TNFSF4: variants seen among roughly 807,000 people sequenced by gnomAD.
The protein encoded by TNFSF4 is tumor necrosis factor ligand superfamily member 4.
TNFSF4 carries 4 observed loss-of-function variants against 7.3 expected under a neutral mutation model. The observed-to-expected ratio is 0.55, with a 90% CI of 0.27 to 1.25. The LOEUF (loss-of-function observed/expected upper bound fraction) is 1.25. Ranked by LOEUF, TNFSF4 falls within the 50% of genes most tolerant of loss-of-function variation. The probability of loss-of-function intolerance (pLI) is 0.12; values close to 1 mark genes in which losing one functional copy is unlikely to be tolerated. For missense variants in TNFSF4, 181 were observed against 208.8 expected (o/e 0.87, Z 0.82); for synonymous variants, 76 against 83.7 (o/e 0.91, Z 0.50).
chr1:173,324,351 C>T, the TNFSF4 span, among the ~76,000 whole-genome samples: 1 of 152,172 alleles, frequency 6.6e-6, no homozygotes, highest in African/African-American at 2.4e-5. Flanking sequence ...CCTAAGAGAG[C>T]TCCTGAAGGA....
At chr1:173,333,837 G>T in the TNFSF4 span, among the ~76,000 whole-genome samples, 1 of 152,098 alleles carries the variant, frequency 6.6e-6, no homozygotes, top group African/African-American at 2.4e-5. Flanking sequence ...CTTTTCCTGT[G>T]TCTTAAGTCT....
chr1:173,234,650 T>C, the TNFSF4 span, among the ~76,000 whole-genome samples: 1 of 152,204 alleles, frequency 6.6e-6, no homozygotes, highest in African/African-American at 2.4e-5. Context: ...TTGTAGGACA[T>C]GGATGAAGCT....
intron 1 of TNFSF4, among the ~76,000 whole-genome samples, chr1:173,188,850 C>G (rs1571185267): frequency 2.6e-5 from 4 of 152,186 alleles, no homozygotes; most frequent in Admixed American, 2.6e-4. Context: ...GTAGCTGGGA[C>G]TATAGGCACG....
At chr1:173,437,444 T>C in the TNFSF4 span, among the ~76,000 whole-genome samples, 2 of 152,230 alleles carry the variant, frequency 1.3e-5, no homozygotes, top group African/African-American at 4.8e-5. Context: ...TAACCAGTTC[T>C]ATCAGTCTTT....
At chr1:173,371,703 G>A in the TNFSF4 span, among the ~76,000 whole-genome samples, 1 of 152,192 alleles carries the variant, frequency 6.6e-6, no homozygotes, top group African/African-American at 2.4e-5. Context: ...ACTAATCAAT[G>A]AGGCAGTAAT....
At chr1:173,177,778 A>G in the TNFSF4 span, among the ~76,000 whole-genome samples, 1 of 152,196 alleles carries the variant, frequency 6.6e-6, no homozygotes, top group Non-Finnish European at 1.5e-5. Flanking sequence ...GGAACTTAAA[A>G]AAACAACTTG....
chr1:173,364,404 C>T, the TNFSF4 span, among the ~76,000 whole-genome samples: 299 of 132,154 alleles, frequency 2.3e-3, 2 homozygotes, highest in African/African-American at 7.7e-3. Context: ...TATATATATA[C>T]ACACACACAT....
the TNFSF4 span, among the ~76,000 whole-genome samples, chr1:173,360,204 A>G: frequency 6.6e-6 from 1 of 152,226 alleles, no homozygotes; most frequent in African/African-American, 2.4e-5. Flanking sequence ...AAAAGTGTCT[A>G]TTGACAGGTG....
chr1:173,308,809 T>C, the TNFSF4 span, among the ~76,000 whole-genome samples: 1 of 151,942 alleles, frequency 6.6e-6, no homozygotes, highest in Non-Finnish European at 1.5e-5. Context: ...CCTAGCATCT[T>C]GGAGCCTAGC....
At chr1:173,387,182 G>T in the TNFSF4 span, among the ~76,000 whole-genome samples, 1 of 152,200 alleles carries the variant, frequency 6.6e-6, no homozygotes, top group Admixed American at 6.5e-5. Context: ...TGGAGAACCA[G>T]CAATGAAATG....
At chr1:173,332,616 G>A in the TNFSF4 span, among the ~76,000 whole-genome samples, 1 of 152,134 alleles carries the variant, frequency 6.6e-6, no homozygotes, top group Non-Finnish European at 1.5e-5. Flanking sequence ...AGCACTTTGG[G>A]AGGCCAAGGC....
chr1:173,252,883 G>A, the TNFSF4 span, among the ~76,000 whole-genome samples: 1 of 152,214 alleles, frequency 6.6e-6, no homozygotes. Flanking sequence ...AGAGTTTGCA[G>A]ATGAAATGAT....
chr1:173,357,206 AG>A, the TNFSF4 span, among the ~76,000 whole-genome samples: 1 of 152,216 alleles, frequency 6.6e-6, no homozygotes, highest in Non-Finnish European at 1.5e-5. Flanking sequence ...TAATAGCTTA[AG>A]ATGTAGGCCT....
At chr1:173,418,947 G>A in the TNFSF4 span, among the ~76,000 whole-genome samples, 1 of 152,202 alleles carries the variant, frequency 6.6e-6, no homozygotes, top group Non-Finnish European at 1.5e-5. Flanking sequence ...TTCACATATC[G>A]ATGACATTTG....
the TNFSF4 span, among the ~76,000 whole-genome samples, chr1:173,317,676 A>C: frequency 6.6e-6 from 1 of 152,240 alleles, no homozygotes; most frequent in Non-Finnish European, 1.5e-5. Flanking sequence ...CCCTGCAATG[A>C]ATGGAAAGAA....
chr1:173,270,305 A>T, the TNFSF4 span, among the ~76,000 whole-genome samples: 6 of 152,256 alleles, frequency 3.9e-5, no homozygotes, highest in South Asian at 1.2e-3. Context: ...CTGGGACTGT[A>T]AGTTTGGGAA....
chr1:173,355,189 C>T, the TNFSF4 span, among the ~76,000 whole-genome samples: 7 of 152,158 alleles, frequency 4.6e-5, no homozygotes, highest in Admixed American at 2.0e-4. Context: ...CTCCTGCCTT[C>T]CTCTTTCCCT....
the TNFSF4 span, among the ~76,000 whole-genome samples, chr1:173,348,969 G>A: frequency 7.9e-5 from 12 of 152,248 alleles, no homozygotes; most frequent in African/African-American, 2.9e-4. Flanking sequence ...ACAACGGTGA[G>A]CAGTGAAAAA....
chr1:173,317,170 T>C, the TNFSF4 span, among the ~76,000 whole-genome samples: 4 of 152,230 alleles, frequency 2.6e-5, no homozygotes, highest in Admixed American at 2.0e-4. Flanking sequence ...GTATATGTTC[T>C]GGTGAATTGT....
Sources: gnomAD v4.1 joint callset for allele counts (sites outside exome capture counted in the v4.1 genomes callset) on GRCh38, gnomAD v4.1.1 for gene constraint, MANE v1.5 for transcripts, NCBI Gene and HGNC (gene_info 2026-07-23, HGNC 2026-07-21) for gene names.